Variants in DIO2 observed in about 807,000 individuals in gnomAD.
DIO2 encodes the protein type II iodothyronine deiodinase.
A neutral mutation model predicts 21.4 loss-of-function variants in DIO2; 19 were observed. The ratio of observed to expected loss-of-function variants is 0.89; its 90% CI spans 0.62 to 1.30. The LOEUF (loss-of-function observed/expected upper bound fraction) is 1.30. Ranked by LOEUF, DIO2 falls within the 50% of genes most tolerant of loss-of-function variation. The pLI, the probability that DIO2 is intolerant of heterozygous loss-of-function variation, is 0.00. For synonymous variants in DIO2, 122 were observed against 132.9 expected (o/e 0.92, Z 0.57); for missense variants, 302 against 338.1 (o/e 0.89, Z 0.84).
At position 80,201,098 on chromosome 14, in the gene DIO2, TTAAA is replaced by T. The variant is rs879516903; in HGVS notation, c.*1587_*1590del. On this transcript the variant is annotated 3_prime_UTR_variant, in exon 2 of 2. Coordinates refer to ENST00000438257, the MANE Select transcript of DIO2 (RefSeq NM_013989.5). ...TCCATTCTTTTGGGAGCTATAATCT[TTAAA>T]TATTACTTATGGGTAAAACTATAGT... 2 of 151,720 alleles carry T rather than the reference TTAAA, an allele frequency of 1.3e-5. No homozygotes were observed. Among genetic ancestry groups the T allele is most frequent in the African/African-American group, 2.4e-5 (1 of 41,392 alleles). The allele number at this position is 151,720 out of a possible 1,614,324, so 9.4% of individuals were successfully genotyped here. A position where few individuals can be genotyped will look rare whatever the true frequency, so the allele number is the denominator to read the frequency against.
At chr14:80,206,432 T>A in intron 1 of DIO2, 2 of 652,776 alleles carry the variant, frequency 3.1e-6, no homozygotes, top group Non-Finnish European at 5.0e-6. Context: ...CATTCTCATC[T>A]CCCCATTTGG....
chr14:80,203,231 C>T lies in DIO2; in HGVS notation c.280G>A (p.Gly94Arg). 1 of 1,609,828 alleles carries T rather than the reference C, an allele frequency of 6.2e-7. No individual in the cohort carries two copies. Among genetic ancestry groups the T allele is most frequent in the Non-Finnish European group, 8.5e-7 (1 of 1,178,228 alleles). The change falls in exon 2 of 2, where the codon GGA (glycine) becomes AGA (arginine). Residue 94 changes from glycine (G) to arginine (R), a missense_variant. Physicochemically the swap from Gly to Arg is moderately radical, Grantham distance 125 (BLOSUM62 -2). Coordinates refer to ENST00000438257, the MANE Select transcript of DIO2 (RefSeq NM_013989.5). ...GTACCATTGCCACTGTTGTCACCTC[C>T]TTCTGTACTGGAGACATGCACCACA... Reference protein sequence around the residue: ...SSVVHVSSTEGGDNSGNGTQE... With the variant: ...SSVVHVSSTERGDNSGNGTQE...
At chr14:80,213,275 T>C (rs944097435), upstream of DIO2, among the ~76,000 whole-genome samples, 11 of 152,196 alleles carry the variant, frequency 7.2e-5, no homozygotes, top group Admixed American at 2.0e-4. Context: ...CTGAGTTTTC[T>C]CAGTGATAGA....
rs188524521 is a variant in DIO2, at chr14:80,230,222, A to G, written c.-277-13485T>C. 2.0e-3 allele frequency among the ~76,000 whole-genome samples: 297 copies of G among 152,298 alleles called. 1 individual carries two copies. The highest frequency in any genetic ancestry group is 6.0e-3 in the Admixed American group (92 of 15,290). On this transcript the variant is annotated intron_variant, in intron 2 of 4. Coordinates refer to the DIO2 transcript ENST00000553594. ...TTACAAACTCAGCGTCCCCAGCTTCATCAGGGTCCTCCAACACATCCCCAT... is the reference window on the plus strand; with the variant it reads ...TTACAAACTCAGCGTCCCCAGCTTCGTCAGGGTCCTCCAACACATCCCCAT...
chr14:80,206,135 TG>T (rs1242250192), intron 1 of DIO2: 17 of 802,196 alleles, frequency 2.1e-5, no homozygotes, highest in Middle Eastern at 3.5e-4. Flanking sequence ...ATGTCATAAA[TG>T]GATATGCTTA....
At chr14:80,225,314 C>A (rs1047086877) in intron 2 of DIO2, among the ~76,000 whole-genome samples, 3 of 152,148 alleles carry the variant, frequency 2.0e-5, no homozygotes, top group East Asian at 3.9e-4. Flanking sequence ...CAAATAAAGA[C>A]AATAATAAGG....
chr14:80,206,138 A>G, intron 1 of DIO2: 1 of 810,302 alleles, frequency 1.2e-6, no homozygotes, highest in Non-Finnish European at 2.0e-6. Flanking sequence ...TCATAAATGG[A>G]TATGCTTATT....
chr14:80,214,415 A>G (rs1036120576), upstream of DIO2, among the ~76,000 whole-genome samples: 1 of 152,236 alleles, frequency 6.6e-6, no homozygotes, highest in South Asian at 2.1e-4. Flanking sequence ...AAGCATATCC[A>G]GACTTTAAGT....
At position 80,202,115 on chromosome 14, in the gene DIO2, AT is replaced by A. The variant is rs1442074407; in HGVS notation, c.*573del. The A allele has an allele frequency of 3.3e-6, 1 of 304,722 alleles. No individual in the cohort carries two copies. The highest frequency in any genetic ancestry group is 2.2e-5 in the African/African-American group (1 of 44,706). The allele number at this position is 304,722 out of a possible 1,614,324, so 18.9% of individuals were successfully genotyped here. On this transcript the variant is annotated 3_prime_UTR_variant, in exon 2 of 2. Transcript: ENST00000438257. ...CTCGGTATCTACAAATATACCAATA[AT>A]TTCTGGGGTATGAAGACTGAGAGCA...
Position 80,198,859 on chromosome 14 carries a change from G to C in DIO2, c.*3830C>G, listed in dbSNP as rs1432736892. ...AGACACATGACAGTGGGGATGTTCT[G>C]AAAAGCTCTAAATGCTAGTAAAGGT... On this transcript the variant is annotated 3_prime_UTR_variant, in exon 2 of 2. Coordinates refer to ENST00000438257, the MANE Select transcript of DIO2 (RefSeq NM_013989.5). 6.6e-6 allele frequency: 1 copy of C among 150,870 alleles called. No individual in the cohort carries two copies. The highest frequency in any genetic ancestry group is 1.5e-5 in the Non-Finnish European group (1 of 67,780). The allele number at this position is 150,870 out of a possible 1,614,324, so 9.3% of individuals were successfully genotyped here.
At chr14:80,224,327 G>C (rs771172077) in intron 2 of DIO2, among the ~76,000 whole-genome samples, 1 of 152,066 alleles carries the variant, frequency 6.6e-6, no homozygotes, top group Non-Finnish European at 1.5e-5. Context: ...CCAACCAACA[G>C]ATACTAAATC....
rs1566663848 is a variant in DIO2 at position 80,211,302 on chromosome 14, T to C, written c.171A>G (p.Ser57=). 3 of 1,613,248 alleles carry C rather than the reference T, an allele frequency of 1.9e-6. No individual in the cohort carries two copies. Among genetic ancestry groups the C allele is most frequent in the Admixed American group, 3.3e-5 (2 of 60,008 alleles). Reference sequence around the variant, plus strand: ...TCTTCCAGACGCAGCGCAGTCCCTCTGAGGTCAGCATGCGCCGCCACTCTC... The same window carrying C: ...TCTTCCAGACGCAGCGCAGTCCCTCCGAGGTCAGCATGCGCCGCCACTCTC... The part of the protein sequence containing the change: ...TRGEWRRMLT[S]EGLRCVWKSF... The change falls in exon 1 of 2, where the codon TCA becomes TCG. Residue 57 remains serine, a synonymous_variant. Transcript: ENST00000438257.
At chr14:80,205,169 C>G (rs762713446) in intron 1 of DIO2, among the ~76,000 whole-genome samples, 1 of 151,972 alleles carries the variant, frequency 6.6e-6, no homozygotes, top group South Asian at 2.1e-4. Context: ...TATTATTAAC[C>G]TTTTAAGCCG....
intron 2 of DIO2, among the ~76,000 whole-genome samples, chr14:80,225,417 C>T (rs1372984119): frequency 6.6e-6 from 1 of 152,152 alleles, no homozygotes; most frequent in Non-Finnish European, 1.5e-5. Context: ...GTTAACAATA[C>T]TTAAATGCTG....
At chr14:80,223,601 T>A (rs1888511378) in intron 2 of DIO2, among the ~76,000 whole-genome samples, 1 of 152,224 alleles carries the variant, frequency 6.6e-6, no homozygotes, top group Non-Finnish European at 1.5e-5. Context: ...AAAGGACTTC[T>A]GTTACAATAT....
upstream of DIO2, among the ~76,000 whole-genome samples, chr14:80,215,750 C>T (rs1033743837): frequency 6.6e-6 from 1 of 152,200 alleles, no homozygotes; most frequent in African/African-American, 2.4e-5. Flanking sequence ...AAAACAGCGC[C>T]GCTCTTATCA....
chr14:80,224,851 T>C (rs1410287246), intron 2 of DIO2, among the ~76,000 whole-genome samples: 2 of 152,126 alleles, frequency 1.3e-5, no homozygotes, highest in Non-Finnish European at 2.9e-5. Context: ...ACTAATAGGA[T>C]AGATATATAT....
intron 2 of DIO2, among the ~76,000 whole-genome samples, chr14:80,223,820 G>A (rs1430404985): frequency 6.6e-6 from 1 of 152,134 alleles, no homozygotes; most frequent in East Asian, 1.9e-4. Context: ...TGTAGACAAA[G>A]TTAAATAAAA....
chr14:80,211,291 C>G lies in DIO2; in HGVS notation c.182G>C (p.Arg61Pro). 1.2e-6 allele frequency: 2 copies of G among 1,612,972 alleles called. No individual in the cohort carries two copies. Among genetic ancestry groups the G allele is most frequent in the East Asian group, 2.2e-5 (1 of 44,844 alleles). ...WRRMLTSEGLRCVWKSFLLDA... is the reference protein window; with the variant it reads ...WRRMLTSEGLPCVWKSFLLDA... ...GAGGAGGAAGCTCTTCCAGACGCAGCGCAGTCCCTCTGAGGTCAGCATGCG... is the reference window on the plus strand; with the variant it reads ...GAGGAGGAAGCTCTTCCAGACGCAGGGCAGTCCCTCTGAGGTCAGCATGCG... The change falls in exon 1 of 2, where the codon CGC becomes CCC. Residue 61 changes from arginine to proline, a missense_variant. Physicochemically the swap from Arg to Pro is moderately radical, Grantham distance 103 (BLOSUM62 -2). Coordinates refer to ENST00000438257, the MANE Select transcript of DIO2 (RefSeq NM_013989.5).
Sources: gnomAD v4.1 joint callset for allele counts (sites outside exome capture counted in the v4.1 genomes callset) on GRCh38, gnomAD v4.1.1 for gene constraint, MANE v1.5 for transcripts, NCBI Gene and HGNC (gene_info 2026-07-23, HGNC 2026-07-21) for gene names.